Variants in TNFRSF10D observed in about 807,000 individuals in gnomAD.
TNFRSF10D encodes TNF receptor superfamily member 10d, also known as tumor necrosis factor receptor superfamily member 10D.
In TNFRSF10D, 28 loss-of-function variants were observed where a neutral mutation model predicts 42.1. That is an observed-to-expected ratio of 0.66 (90% CI 0.49 to 0.91). The LOEUF (loss-of-function observed/expected upper bound fraction) is 0.91. TNFRSF10D is among the 40% of genes least tolerant of loss of function. TNFRSF10D has a pLI of 0.00. For missense variants in TNFRSF10D, 503 were observed against 486.1 expected (o/e 1.03, Z -0.33); for synonymous variants, 186 against 189.4 (o/e 0.98, Z 0.15).
chr8:23,140,375 G>GACACACAC (rs71546853), intron 7 of TNFRSF10D, among the ~76,000 whole-genome samples: 2 of 145,368 alleles, frequency 1.4e-5, no homozygotes, highest in Non-Finnish European at 1.5e-5. Context: ...ATTTACAACA[G>GACACACAC]ACACACACAC....
intron 1 of TNFRSF10D, among the ~76,000 whole-genome samples, chr8:23,158,461 G>A (rs1193959735): frequency 6.6e-6 from 1 of 152,072 alleles, no homozygotes; most frequent in Non-Finnish European, 1.5e-5. Flanking sequence ...TCCTTTTAAG[G>A]CCCATCTCAT....
chr8:23,136,798 A>T lies in TNFRSF10D; in HGVS notation c.*1072T>A, dbSNP rs1226712100. ...ACATCTACTTATAAATAAATAAATA[A>T]ATATTTATTTATAAATAAATATGGC... On this transcript the variant is annotated 3_prime_UTR_variant, in exon 9 of 9. Coordinates refer to ENST00000312584, the MANE Select transcript of TNFRSF10D (RefSeq NM_003840.5). The T allele has an allele frequency of 2.0e-5, 3 of 151,796 alleles. No homozygotes were observed. The highest frequency in any genetic ancestry group is 6.6e-5 in the Admixed American group (1 of 15,240). 9.4% of individuals were successfully genotyped at this position (151,796 alleles called of 1,614,324 possible). A position where few individuals can be genotyped will look rare whatever the true frequency, so the allele number is the denominator to read the frequency against.
At chr8:23,162,465 C>T (rs1461080568) in intron 1 of TNFRSF10D, among the ~76,000 whole-genome samples, 1 of 152,174 alleles carries the variant, frequency 6.6e-6, no homozygotes, top group Non-Finnish European at 1.5e-5. Flanking sequence ...TGAAAGAAAA[C>T]ATGGAGACTC....
chr8:23,164,024 C>T lies in TNFRSF10D; in HGVS notation c.-89G>A. The T allele has an allele frequency of 1.4e-6, 2 of 1,412,762 alleles. No individual in the cohort carries two copies. The highest frequency in any genetic ancestry group is 1.9e-6 in the Non-Finnish European group (2 of 1,069,130). The allele number at this position is 1,412,762 out of a possible 1,614,324, so 87.5% of individuals were successfully genotyped here. A position where few individuals can be genotyped will look rare whatever the true frequency, so the allele number is the denominator to read the frequency against. On this transcript the variant is annotated 5_prime_UTR_variant, in exon 1 of 9. Transcript: ENST00000312584. Reference sequence around the variant, plus strand: ...GCGCGTGCAAAGGTTCTCGCAGCTACACTGCCAGAATAGAACGTGCTCCTC... The same window carrying T: ...GCGCGTGCAAAGGTTCTCGCAGCTATACTGCCAGAATAGAACGTGCTCCTC...
chr8:23,149,427 C>T (rs189076637), intron 2 of TNFRSF10D, among the ~76,000 whole-genome samples: 37 of 151,516 alleles, frequency 2.4e-4, no homozygotes, highest in African/African-American at 8.5e-4. Flanking sequence ...TTAGTTGACA[C>T]GGTGTATCAT....
chr8:23,162,902 T>C (rs1800392462), intron 1 of TNFRSF10D, among the ~76,000 whole-genome samples: 1 of 151,192 alleles, frequency 6.6e-6, no homozygotes, highest in African/African-American at 2.5e-5. Context: ...AGTGTAAACA[T>C]AGGGTTAATT....
intron 7 of TNFRSF10D, among the ~76,000 whole-genome samples, chr8:23,141,814 C>T (rs1800023714): frequency 6.6e-6 from 1 of 152,226 alleles, no homozygotes; most frequent in East Asian, 1.9e-4. Flanking sequence ...AAGCCAGTAA[C>T]AGTAAATGCT....
chr8:23,144,734 A>G, intron 6 of TNFRSF10D, 99 bp from the exon 7 acceptor site: 1 of 1,404,648 alleles, frequency 7.1e-7, no homozygotes, highest in Non-Finnish European at 9.7e-7. Context: ...CCTTCCAATG[A>G]GGTCACCCCA....
At position 23,145,771 on chromosome 8, in the gene TNFRSF10D, G is replaced by C. The variant is rs770977269; in HGVS notation, c.633C>G (p.His211Gln). Reference protein sequence around the residue: ...TILGMLASPYHYLIIIVVLVI... With the variant: ...TILGMLASPYQYLIIIVVLVI... The stretch of plus-strand genomic sequence containing the variant: ...CTAAAACCACTATGATGATAAGGTA[G>C]TGATAGGGAGAGGCAAGCATCCCCA... The change falls in exon 5 of 9, where the codon CAC (histidine) becomes CAG (glutamine). Residue 211 changes from histidine to glutamine, a missense_variant. Transcript: ENST00000312584. The C allele has an allele frequency of 1.2e-6, 2 of 1,614,202 alleles. No individual in the cohort carries two copies. The highest frequency in any genetic ancestry group is 4.5e-5 in the East Asian group (2 of 44,890).
chr8:23,139,898 C>T (rs889785086), intron 7 of TNFRSF10D, among the ~76,000 whole-genome samples: 4 of 152,202 alleles, frequency 2.6e-5, no homozygotes, highest in Non-Finnish European at 5.9e-5. Flanking sequence ...GTAATCCCAG[C>T]ACTTTGGGAG....
At position 23,164,006 on chromosome 8, in the gene TNFRSF10D, C is replaced by G. The variant is rs966006848; in HGVS notation, c.-71G>C. 2.9e-4 allele frequency: 426 copies of G among 1,469,720 alleles called. No individual in the cohort carries two copies. In the African/African-American group the frequency reaches 5.2e-3, roughly 18 times the overall value. 91.0% of individuals were successfully genotyped at this position (1,469,720 alleles called of 1,614,324 possible). The stretch of plus-strand genomic sequence containing the variant: ...ATCGTCCCCGTAGTTTGTGCGCGTG[C>G]AAAGGTTCTCGCAGCTACACTGCCA... On this transcript the variant is annotated 5_prime_UTR_variant, in exon 1 of 9. Coordinates refer to ENST00000312584, the MANE Select transcript of TNFRSF10D (RefSeq NM_003840.5).
At chr8:23,146,743 C>G (rs59950769) in intron 4 of TNFRSF10D, among the ~76,000 whole-genome samples, 5,205 of 151,090 alleles carry the variant, frequency 0.034, 277 homozygotes, top group African/African-American at 0.12. Flanking sequence ...AAAGGGACTC[C>G]TGCTGGGGAG....
chr8:23,148,259 G>C (rs1275533410), intron 3 of TNFRSF10D, among the ~76,000 whole-genome samples, 179 bp downstream of exon 3: 1 of 149,008 alleles, frequency 6.7e-6, no homozygotes, highest in Non-Finnish European at 1.5e-5. Flanking sequence ...ATAAATAAAA[G>C]AAAAGAAAAA....
intron 1 of TNFRSF10D, among the ~76,000 whole-genome samples, chr8:23,160,301 C>T (rs1800347579): frequency 6.6e-6 from 1 of 152,186 alleles, no homozygotes; most frequent in Non-Finnish European, 1.5e-5. Flanking sequence ...CAGTGGCGGC[C>T]TCAGCTTACC....
chr8:23,150,035 G>A (rs1800194660), intron 2 of TNFRSF10D, among the ~76,000 whole-genome samples: 1 of 152,126 alleles, frequency 6.6e-6, no homozygotes, highest in South Asian at 2.1e-4. Context: ...ACAGAAGTCT[G>A]GAAACACATA....
intron 6 of TNFRSF10D, 140 bp downstream of exon 6, chr8:23,144,918 G>T: frequency 7.6e-7 from 1 of 1,320,344 alleles, no homozygotes; most frequent in Non-Finnish European, 1.1e-6. Context: ...GTCCCCCACA[G>T]TCAGCCCAGA....
At chr8:23,147,524 G>A (rs1446138635) in intron 3 of TNFRSF10D, among the ~76,000 whole-genome samples, 13 of 152,172 alleles carry the variant, frequency 8.5e-5, no homozygotes, top group Admixed American at 6.5e-4. Flanking sequence ...TGCCACTGCT[G>A]GAACCCAGCC....
chr8:23,143,138 G>A (rs1432640568), intron 7 of TNFRSF10D, among the ~76,000 whole-genome samples: 3 of 152,168 alleles, frequency 2.0e-5, no homozygotes, highest in Admixed American at 6.5e-5. Flanking sequence ...TACCACGCCC[G>A]GCTAATTTTT....
chr8:23,142,927 AG>A (rs1800052761), intron 7 of TNFRSF10D, among the ~76,000 whole-genome samples: 2 of 152,136 alleles, frequency 1.3e-5, no homozygotes, highest in Non-Finnish European at 2.9e-5. Flanking sequence ...TGGGGGCTGG[AG>A]GAAGTGTTAG....
Sources: gnomAD v4.1 joint callset for allele counts (sites outside exome capture counted in the v4.1 genomes callset) on GRCh38, gnomAD v4.1.1 for gene constraint, MANE v1.5 for transcripts, NCBI Gene and HGNC (gene_info 2026-07-23, HGNC 2026-07-21) for gene names.